The following DOCK8 variants were observed in gnomAD, a reference collection of about 807,000 sequenced individuals.
DOCK8 encodes dedicator of cytokinesis 8.
Under a neutral mutation model 245.6 loss-of-function variants are expected in DOCK8, and 141 were observed. The observed-to-expected ratio is 0.57, with a 90% CI of 0.50 to 0.66. DOCK8 has a LOEUF of 0.66. Ranked by LOEUF, DOCK8 falls within the 30% of genes least tolerant of loss-of-function variation. The probability of loss-of-function intolerance (pLI) is 0.00; values close to 1 mark genes in which losing one functional copy is unlikely to be tolerated. For missense variants in DOCK8, 2,965 were observed against 2,603.4 expected (o/e 1.14, Z -3.02); for synonymous variants, 1,168 against 970.2 (o/e 1.20, Z -3.79).
intron 5 of DOCK8, among the ~76,000 whole-genome samples, chr9:307,109 C>G (rs560657148): frequency 6.6e-6 from 1 of 152,196 alleles, no homozygotes; most frequent in African/African-American, 2.4e-5. Flanking sequence ...CCTTTGACCT[C>G]CTTGAACCAT....
chr9:219,962 C>A (rs929056338), intron 1 of DOCK8, among the ~76,000 whole-genome samples: 4 of 152,154 alleles, frequency 2.6e-5, no homozygotes, highest in Admixed American at 2.0e-4. Flanking sequence ...CTACAGAGAG[C>A]TTTCTGAGAA....
chr9:388,575 G>C (rs551860188), intron 23 of DOCK8, among the ~76,000 whole-genome samples: 12 of 148,648 alleles, frequency 8.1e-5, no homozygotes, highest in African/African-American at 2.8e-4. Context: ...TTTTGAAACA[G>C]AGTCTCACTT....
rs1251272908 is a variant in DOCK8 at position 451,973 on chromosome 9, ATATATTTTTTTTTTT to A, written c.5962-36_5962-22del. 8.3e-4 allele frequency: 308 copies of A among 369,692 alleles called. 1 individual carries two copies. The highest frequency in any genetic ancestry group is 4.2e-3 in the African/African-American group (115 of 27,616). The allele number at this position is 369,692 out of a possible 1,614,324, so 22.9% of individuals were successfully genotyped here. On this transcript the variant is annotated intron_variant, in intron 45 of 47. Coordinates refer to ENST00000432829, the MANE Select transcript of DOCK8 (RefSeq NM_203447.4). ...TGTGTGTGTATATATATATATATAT[ATATATTTTTTTTTTT>A]TTTTTTTTTTTTTTCCCACCAGGGA...
At chr9:346,227 G>T (rs2051878604) in intron 14 of DOCK8, among the ~76,000 whole-genome samples, 1 of 152,162 alleles carries the variant, frequency 6.6e-6, no homozygotes, top group Non-Finnish European at 1.5e-5. Flanking sequence ...TCTGTGTCCA[G>T]ATTAAGAAAA....
At chr9:403,174 C>T (rs193176341) in intron 26 of DOCK8, among the ~76,000 whole-genome samples, 103 of 152,272 alleles carry the variant, frequency 6.8e-4, no homozygotes, top group African/African-American at 2.4e-3. Context: ...CAGGTGTGAG[C>T]CACCACACCC....
At chr9:217,002 A>C (rs182170335) in intron 1 of DOCK8, among the ~76,000 whole-genome samples, 90 of 152,308 alleles carry the variant, frequency 5.9e-4, no homozygotes, top group African/African-American at 2.0e-3. Flanking sequence ...TGTGCCAAGT[A>C]GAGTTGATCA....
intron 14 of DOCK8, chr9:365,727 C>T: frequency 2.3e-6 from 1 of 435,638 alleles, no homozygotes; most frequent in South Asian, 1.7e-5. Flanking sequence ...GGATTCAAAT[C>T]TCAGCTCTCT....
chr9:325,447 A>G (rs2050721567), intron 7 of DOCK8, among the ~76,000 whole-genome samples: 1 of 152,236 alleles, frequency 6.6e-6, no homozygotes, highest in African/African-American at 2.4e-5. Context: ...AATATCCACC[A>G]TGCTTTTGTA....
intron 1 of DOCK8, among the ~76,000 whole-genome samples, chr9:250,748 G>A (rs528598401): frequency 6.6e-6 from 1 of 152,272 alleles, no homozygotes; most frequent in Non-Finnish European, 1.5e-5. Context: ...GTTTCATGAC[G>A]GATTAGAAGG....
In DOCK8 at chr9:426,988, AAAAC is replaced by A. The variant is rs766074466; in HGVS notation, c.4338+13_4338+16del. 1 of 1,610,756 alleles carries A rather than the reference AAAAC, an allele frequency of 6.2e-7. No homozygotes were observed. Reference sequence around the variant, plus strand: ...GCAGGAAAACATTATCCAGGTGAGGAAAACAAACACCCAATCTGATTTGTTGGCC... The same window carrying A: ...GCAGGAAAACATTATCCAGGTGAGGAAAACACCCAATCTGATTTGTTGGCC... On this transcript the variant is annotated splice_region_variant and intron_variant, in intron 34 of 47. Coordinates refer to ENST00000432829, the MANE Select transcript of DOCK8 (RefSeq NM_203447.4).
chr9:307,810 A>C (rs1326800455), intron 5 of DOCK8, among the ~76,000 whole-genome samples: 1 of 152,206 alleles, frequency 6.6e-6, no homozygotes, highest in East Asian at 1.9e-4. Flanking sequence ...ACGTGGACTC[A>C]ACCTAAGTAT....
chr9:390,905 T>C (rs2054164580), intron 24 of DOCK8, among the ~76,000 whole-genome samples: 2 of 152,226 alleles, frequency 1.3e-5, no homozygotes, highest in African/African-American at 2.4e-5. Flanking sequence ...CAGCCAATAC[T>C]AAACAGAGAA....
intron 1 of DOCK8, among the ~76,000 whole-genome samples, chr9:256,697 T>G (rs1293775375): frequency 6.6e-6 from 1 of 152,062 alleles, no homozygotes; most frequent in Non-Finnish European, 1.5e-5. Flanking sequence ...CAGGTACCTA[T>G]AGTGATAAAA....
At chr9:273,869 G>A (rs1028843408) in intron 2 of DOCK8, among the ~76,000 whole-genome samples, 4 of 152,016 alleles carry the variant, frequency 2.6e-5, no homozygotes, top group African/African-American at 9.7e-5. Flanking sequence ...ATCACATCTG[G>A]CTAATTTTGT....
intron 7 of DOCK8, among the ~76,000 whole-genome samples, chr9:320,216 C>CGTGCCAGAGATCG (rs1257215288): frequency 2.6e-5 from 1 of 38,278 alleles, no homozygotes; most frequent in Non-Finnish European, 5.2e-5. Flanking sequence ...AAAACCTGAC[C>CGTGCCAGAGATCG]GAACACTCAC....
At chr9:377,347 C>G in intron 20 of DOCK8, 136 bp downstream of exon 20, 2 of 777,752 alleles carry the variant, frequency 2.6e-6, no homozygotes, top group South Asian at 3.9e-5. Context: ...CAAGGGAGGC[C>G]AAGTCTTATG....
intron 9 of DOCK8, 61 bp from the exon 10 acceptor site, chr9:332,337 A>G (rs370647002): frequency 9.5e-6 from 11 of 1,156,516 alleles, no homozygotes; most frequent in African/African-American, 4.6e-5. Context: ...TGATGGTTGC[A>G]TAGATTCCTT....
At chr9:342,502 C>CTCCA (rs2051657785) in intron 14 of DOCK8, among the ~76,000 whole-genome samples, 1 of 150,048 alleles carries the variant, frequency 6.7e-6, no homozygotes, top group African/African-American at 2.5e-5. Context: ...TGGAGTCTCA[C>CTCCA]TCTGTCACCC....
At chr9:371,340 G>C (rs1219420051) in intron 16 of DOCK8, 88 bp from the exon 17 acceptor site, 3 of 1,526,656 alleles carry the variant, frequency 2.0e-6, no homozygotes, top group South Asian at 2.3e-5. Flanking sequence ...GGCAAATTCT[G>C]AGGAGCAAAG....
Sources: allele counts gnomAD v4.1 joint callset (sites outside exome capture counted in the v4.1 genomes callset), GRCh38; gene constraint gnomAD v4.1.1; transcripts MANE v1.5; gene names NCBI Gene and HGNC (gene_info 2026-07-23, HGNC 2026-07-21).